Variants in OR52N4 observed in about 807,000 individuals in gnomAD.
OR52N4 encodes the protein olfactory receptor family 52 subfamily N member 4, also known as olfactory receptor 52N4.
Under a neutral mutation model 15.0 loss-of-function variants are expected in OR52N4, and 15 were observed. That is an observed-to-expected ratio of 1.00 (90% CI 0.67 to 1.54). The LOEUF (loss-of-function observed/expected upper bound fraction) is 1.54. OR52N4 is among the 40% of genes most tolerant of loss of function. The pLI, the probability that OR52N4 is intolerant of heterozygous loss-of-function variation, is 0.00. For missense variants in OR52N4, 421 were observed against 394.0 expected (o/e 1.07, Z -0.58); for synonymous variants, 143 against 143.7 (o/e 1.00, Z 0.03).
At chr11:5,748,403 A>T in the OR52N4 span, among the ~76,000 whole-genome samples, 1 of 148,244 alleles carries the variant, frequency 6.7e-6, no homozygotes, top group Admixed American at 6.7e-5. Context: ...TAGCAATAAT[A>T]ATTATTTTTA....
chr11:5,752,737 C>T (rs901691685), upstream of OR52N4, among the ~76,000 whole-genome samples: 1 of 152,128 alleles, frequency 6.6e-6, no homozygotes, highest in African/African-American at 2.4e-5. Flanking sequence ...TATCTCACAA[C>T]CAAATCAAGT....
At chr11:5,752,950 C>T (rs1012303594), upstream of OR52N4, among the ~76,000 whole-genome samples, 5 of 152,202 alleles carry the variant, frequency 3.3e-5, no homozygotes, top group Non-Finnish European at 7.4e-5. Flanking sequence ...TTGTGAGATT[C>T]GTCTATATTA....
At chr11:5,749,149 G>T in the OR52N4 span, among the ~76,000 whole-genome samples, 2 of 149,426 alleles carry the variant, frequency 1.3e-5, no homozygotes, top group Non-Finnish European at 3.0e-5. Context: ...AATTTTTTTT[G>T]ACCAAGATTG....
the OR52N4 span, chr11:5,737,363 C>T: frequency 6.2e-7 from 1 of 1,614,084 alleles, no homozygotes; most frequent in Non-Finnish European, 8.5e-7. Context: ...GATTCCAGTT[C>T]TACTTAATGT....
At chr11:5,737,977 A>ATGGGCTGCT in the OR52N4 span, 1 of 156,454 alleles carries the variant, frequency 6.4e-6, no homozygotes. Context: ...AAAATAATTC[A>ATGGGCTGCT]GATAAAGCCA....
chr11:5,743,260 A>G, the OR52N4 span, among the ~76,000 whole-genome samples: 2 of 152,202 alleles, frequency 1.3e-5, no homozygotes, highest in Non-Finnish European at 2.9e-5. Context: ...ACCTAAGTAA[A>G]GTGGTAGAAA....
chr11:5,740,558 T>G, the OR52N4 span, among the ~76,000 whole-genome samples: 87 of 127,018 alleles, frequency 6.8e-4, 18 homozygotes, highest in African/African-American at 2.4e-3. Flanking sequence ...GCCTCTAATC[T>G]TAGTATTCTG....
At chr11:5,747,529 T>A in the OR52N4 span, among the ~76,000 whole-genome samples, 1 of 151,680 alleles carries the variant, frequency 6.6e-6, no homozygotes, top group Non-Finnish European at 1.5e-5. Flanking sequence ...TATATATGTA[T>A]ATATATATTA....
chr11:5,728,517 A>G, the OR52N4 span, among the ~76,000 whole-genome samples: 1 of 152,124 alleles, frequency 6.6e-6, no homozygotes, highest in African/African-American at 2.4e-5. Context: ...TCTCTTAACA[A>G]ATTAGCATTT....
the OR52N4 span, among the ~76,000 whole-genome samples, chr11:5,733,719 C>G: frequency 6.6e-6 from 1 of 152,106 alleles, no homozygotes; most frequent in Non-Finnish European, 1.5e-5. Context: ...ACATGTTTTT[C>G]AAACACAGAC....
At chr11:5,739,895 T>A in the OR52N4 span, among the ~76,000 whole-genome samples, 2 of 128,320 alleles carry the variant, frequency 1.6e-5, no homozygotes. Context: ...AATGGTCAAC[T>A]TTTGCATGAG....
chr11:5,749,105 A>G, the OR52N4 span, among the ~76,000 whole-genome samples: 120,116 of 151,780 alleles, frequency 0.79, 48,148 homozygotes, highest in Non-Finnish European at 0.86. Context: ...ATAGGCTGAT[A>G]GCTGTGGATA....
chr11:5,737,750 T>A, the OR52N4 span: 2 of 330,354 alleles, frequency 6.1e-6, no homozygotes, highest in Non-Finnish European at 1.1e-5. Flanking sequence ...TAATGATTGA[T>A]ATCTATCTCT....
At chr11:5,743,278 A>G in the OR52N4 span, among the ~76,000 whole-genome samples, 1 of 152,182 alleles carries the variant, frequency 6.6e-6, no homozygotes, top group Non-Finnish European at 1.5e-5. Context: ...AAACAATACA[A>G]TAACAGGAGG....
rs1854263384 is a variant in OR52N4, at chr11:5,754,842, C to G, written c.102C>G (p.Cys34Trp). The G allele has an allele frequency of 6.2e-7, 1 of 1,613,660 alleles. No homozygotes were observed. The highest frequency in any genetic ancestry group is 1.1e-5 in the South Asian group (1 of 91,076). The change falls in exon 2 of 2, where the codon TGC becomes TGG. Residue 34 changes from cysteine (C) to tryptophan (W), a missense_variant. Cys to Trp is a radical substitution (Grantham distance 215). Coordinates refer to ENST00000641350, the MANE Select transcript of OR52N4 (RefSeq NM_001005175.5). ...AACTCTGGATTTCCTTCCCATTCTG[C>G]TCTATGTATGTTGTGGCTATGGTAG... is the stretch of plus-strand genomic sequence containing the variant. ...DTQLWISFPFCSMYVVAMVGN... is the reference protein window; with the variant it reads ...DTQLWISFPFWSMYVVAMVGN...
At chr11:5,742,295 C>T in the OR52N4 span, among the ~76,000 whole-genome samples, 1 of 152,026 alleles carries the variant, frequency 6.6e-6, no homozygotes, top group Non-Finnish European at 1.5e-5. Flanking sequence ...GTTTGGAAAA[C>T]TTATTTGAGG....
the OR52N4 span, among the ~76,000 whole-genome samples, chr11:5,741,377 C>T: frequency 1.6e-4 from 25 of 152,344 alleles, no homozygotes; most frequent in African/African-American, 6.0e-4. Context: ...GGGTCAGACT[C>T]ACTGTGACAG....
chr11:5,745,243 G>C, the OR52N4 span, among the ~76,000 whole-genome samples: 1 of 152,116 alleles, frequency 6.6e-6, no homozygotes, highest in South Asian at 2.1e-4. Flanking sequence ...AATTTAACAA[G>C]AGAAAGTCAA....
At position 5,755,356 on chromosome 11, in the gene OR52N4, C is replaced by T. The variant is rs749056058; in HGVS notation, c.616C>T (p.Leu206Phe). ...TGCCATCTATGGTCTGATGGTTGCCCTCCTGATTTGGGGCTTTGACATACT... is the reference window on the plus strand; with the variant it reads ...TGCCATCTATGGTCTGATGGTTGCCTTCCTGATTTGGGGCTTTGACATACT... ...VNAIYGLMVALLIWGFDILCI... is the reference protein window; with the variant it reads ...VNAIYGLMVAFLIWGFDILCI... Residue 206 changes from leucine to phenylalanine, a missense_variant, in exon 2 of 2, where the codon CTC becomes TTC. Leu to Phe is a conservative substitution (Grantham distance 22, BLOSUM62 0). Coordinates refer to ENST00000641350, the MANE Select transcript of OR52N4 (RefSeq NM_001005175.5). The T allele has an allele frequency of 1.9e-6, 3 of 1,614,044 alleles. No individual in the cohort carries two copies. Among genetic ancestry groups the T allele is most frequent in the Non-Finnish European group, 2.5e-6 (3 of 1,179,978 alleles).
Sources: gnomAD v4.1 joint callset for allele counts (sites outside exome capture counted in the v4.1 genomes callset) on GRCh38, gnomAD v4.1.1 for gene constraint, MANE v1.5 for transcripts, NCBI Gene and HGNC (gene_info 2026-07-23, HGNC 2026-07-21) for gene names.